The following WWOX variants were observed in gnomAD, a reference collection of about 807,000 sequenced individuals.
WWOX encodes the protein WW domain-containing oxidoreductase.
In WWOX, 69 loss-of-function variants were observed where a neutral mutation model predicts 46.2. That is an observed-to-expected ratio of 1.49 (90% CI 1.23 to 1.82). WWOX has a LOEUF of 1.82. Ranked by LOEUF, WWOX falls within the 40% of genes most tolerant of loss-of-function variation. The pLI is 0.00. For missense variants in WWOX, 919 were observed against 542.6 expected, an observed-to-expected ratio of 1.69 and a Z score of -6.89; for synonymous variants, 359 against 202.6, an observed-to-expected ratio of 1.77 and a Z score of -6.56.
At chr16:79,027,503 C>G (rs986181669) in intron 8 of WWOX, among the ~76,000 whole-genome samples, 2 of 151,794 alleles carry the variant, frequency 1.3e-5, no homozygotes, top group Non-Finnish European at 2.9e-5. Flanking sequence ...CTAATGACTT[C>G]TGCCTGCCAT....
chr16:78,832,451 G>T (rs901424222), intron 8 of WWOX, among the ~76,000 whole-genome samples: 1 of 152,176 alleles, frequency 6.6e-6, no homozygotes, highest in Non-Finnish European at 1.5e-5. Flanking sequence ...CCATAGTTAG[G>T]AGAGGGGAAC....
intron 8 of WWOX, among the ~76,000 whole-genome samples, chr16:79,129,203 A>G (rs761292843): frequency 4.0e-5 from 6 of 151,884 alleles, no homozygotes; most frequent in Non-Finnish European, 7.4e-5. Context: ...GTCTAAGAGA[A>G]GGTGGGGAGA....
intron 8 of WWOX, among the ~76,000 whole-genome samples, chr16:79,076,434 G>A (rs919885211): frequency 5.9e-5 from 9 of 152,114 alleles, no homozygotes; most frequent in African/African-American, 2.2e-4. Flanking sequence ...TGAATCTATG[G>A]AAGACTCAAG....
intron 8 of WWOX, among the ~76,000 whole-genome samples, chr16:78,834,097 T>C (rs2051908286): frequency 6.6e-6 from 1 of 152,226 alleles, no homozygotes; most frequent in African/African-American, 2.4e-5. Context: ...CTGTCGAACG[T>C]CTGGAACTGA....
At chr16:79,142,023 G>C (rs1386932163) in intron 8 of WWOX, among the ~76,000 whole-genome samples, 1 of 152,190 alleles carries the variant, frequency 6.6e-6, no homozygotes, top group East Asian at 1.9e-4. Context: ...AGTAAGGACA[G>C]GATGGGGCCC....
intron 8 of WWOX, among the ~76,000 whole-genome samples, chr16:79,191,587 C>T (rs922716106): frequency 1.3e-5 from 2 of 152,224 alleles, no homozygotes; most frequent in Admixed American, 6.5e-5. Context: ...TTCTCAATTA[C>T]TGATGATCAT....
At chr16:78,457,462 T>C (rs2151419854) in intron 8 of WWOX, among the ~76,000 whole-genome samples, 1 of 152,314 alleles carries the variant, frequency 6.6e-6, no homozygotes, top group South Asian at 2.1e-4. Flanking sequence ...ATTTCACCAA[T>C]TGGTAGGTGG....
chr16:79,157,284 GA>G lies in WWOX; in HGVS notation c.1057-54320del, dbSNP rs201810617. On this transcript the variant is annotated intron_variant, in intron 8 of 8. Transcript: ENST00000566780. ...GGCCTTTAGTTCATTTTAGTAGCAA[GA>G]AAACTGATCTTTTTCTGATTTTAAG... Among the ~76,000 whole-genome samples the G allele has an allele frequency of 5.4e-3, 819 of 152,246 alleles. 14 individuals are homozygous for G. Among genetic ancestry groups the G allele is most frequent in the African/African-American group, 0.019 (775 of 41,556 alleles).
At chr16:78,715,387 G>A (rs116024539) in intron 8 of WWOX, among the ~76,000 whole-genome samples, 1,885 of 152,174 alleles carry the variant, frequency 0.012, 30 homozygotes, top group African/African-American at 0.043. Context: ...ATTCTTCTGG[G>A]ATCGTAGATG....
chr16:78,448,851 C>G (rs79834296), intron 8 of WWOX, among the ~76,000 whole-genome samples: 1,687 of 152,122 alleles, frequency 0.011, 29 homozygotes, highest in African/African-American at 0.039. Flanking sequence ...TGTCAACTGT[C>G]TTGGCGCTGG....
intron 3 of WWOX, among the ~76,000 whole-genome samples, chr16:78,110,077 C>T (rs529649382): frequency 3.3e-5 from 5 of 151,696 alleles, no homozygotes; most frequent in African/African-American, 7.3e-5. Context: ...CATGGTGGCT[C>T]ATGCCTGTAA....
At position 78,737,492 on chromosome 16, in the gene WWOX, A is replaced by T. The variant is rs142974714; in HGVS notation, c.1056+304740A>T. Among the ~76,000 whole-genome samples, 250 of 152,024 alleles carry T rather than the reference A, an allele frequency of 1.6e-3. 1 individual carries two copies. Among genetic ancestry groups the T allele is most frequent in the African/African-American group, 5.9e-3 (243 of 41,480 alleles). On this transcript the variant is annotated intron_variant, in intron 8 of 8. Transcript: ENST00000566780. ...ACAGGTGGTGTTTGGTTACATGAAT[A>T]AGTTCTTTAGTGATGATTTCTGAGA...
chr16:79,087,078 G>A (rs770272556), intron 8 of WWOX, among the ~76,000 whole-genome samples: 1 of 152,194 alleles, frequency 6.6e-6, no homozygotes, highest in Non-Finnish European at 1.5e-5. Flanking sequence ...CCCTCTACCA[G>A]GCACTGATGG....
intron 8 of WWOX, chr16:78,525,762 G>A (rs937352071): frequency 6.6e-6 from 1 of 150,756 alleles, no homozygotes; most frequent in East Asian, 2.0e-4. Flanking sequence ...TTCTCCCCCA[G>A]GTTTGTCCCA....
At chr16:78,323,796 C>A (rs1428926243) in intron 5 of WWOX, among the ~76,000 whole-genome samples, 1 of 152,032 alleles carries the variant, frequency 6.6e-6, no homozygotes, top group East Asian at 1.9e-4. Context: ...TTTCCTTTGT[C>A]CGGCATACTT....
At chr16:78,962,100 CTT>C (rs2046281881) in intron 8 of WWOX, among the ~76,000 whole-genome samples, 1 of 151,894 alleles carries the variant, frequency 6.6e-6, no homozygotes, top group Non-Finnish European at 1.5e-5. Context: ...AAGGGACAGT[CTT>C]AGGGTGAAAA....
At chr16:78,311,582 C>G (rs930873368) in intron 5 of WWOX, among the ~76,000 whole-genome samples, 1 of 152,150 alleles carries the variant, frequency 6.6e-6, no homozygotes, top group Non-Finnish European at 1.5e-5. Context: ...TGTGACCTTA[C>G]AAATACATGT....
chr16:78,620,721 G>A (rs900098654), intron 8 of WWOX, among the ~76,000 whole-genome samples: 1 of 152,106 alleles, frequency 6.6e-6, no homozygotes, highest in African/African-American at 2.4e-5. Flanking sequence ...ACAGCGATGG[G>A]TTAGCAAAAT....
chr16:78,687,422 G>T (rs2047888564), intron 8 of WWOX, among the ~76,000 whole-genome samples: 1 of 152,144 alleles, frequency 6.6e-6, no homozygotes, highest in Non-Finnish European at 1.5e-5. Context: ...TTGTTCTATT[G>T]CATGCTGATA....
Sources: gnomAD v4.1 joint callset for allele counts (sites outside exome capture counted in the v4.1 genomes callset) on GRCh38, gnomAD v4.1.1 for gene constraint, MANE v1.5 for transcripts, NCBI Gene and HGNC (gene_info 2026-07-23, HGNC 2026-07-21) for gene names.